CCDC3: variants seen among roughly 807,000 people sequenced by gnomAD.
The protein encoded by CCDC3 is coiled-coil domain containing 3.
In CCDC3, 24 loss-of-function variants were observed where a neutral mutation model predicts 21.4. The observed-to-expected ratio is 1.12, with a 90% CI of 0.81 to 1.58. The LOEUF (loss-of-function observed/expected upper bound fraction) is 1.58. Ranked by LOEUF, CCDC3 falls within the 40% of genes most tolerant of loss-of-function variation. CCDC3 has a pLI of 0.00. For missense variants in CCDC3, 425 were observed against 360.9 expected, an observed-to-expected ratio of 1.18 and a Z score of -1.44; for synonymous variants, 186 against 166.0, an observed-to-expected ratio of 1.12 and a Z score of -0.93.
At chr10:13,040,554 G>A (rs1377148629) in intron 5 of CCDC3, among the ~76,000 whole-genome samples, 1 of 152,152 alleles carries the variant, frequency 6.6e-6, no homozygotes, top group African/African-American at 2.4e-5. Flanking sequence ...GCTGGGCATG[G>A]TGGTGCACGC....
At chr10:12,973,887 A>C (rs1358876508) in intron 2 of CCDC3, among the ~76,000 whole-genome samples, 1 of 151,452 alleles carries the variant, frequency 6.6e-6, no homozygotes, top group African/African-American at 2.4e-5. Context: ...TTGAGAAGGC[A>C]TTAGGAGACC....
At chr10:13,011,257 T>C (rs530881030) in intron 5 of CCDC3, among the ~76,000 whole-genome samples, 15 of 152,074 alleles carry the variant, frequency 9.9e-5, no homozygotes, top group Non-Finnish European at 1.6e-4. Context: ...ATCCCTGTTT[T>C]CAGAAGACAT....
intron 2 of CCDC3, among the ~76,000 whole-genome samples, chr10:12,953,143 A>C (rs912501064): frequency 2.6e-5 from 4 of 152,222 alleles, no homozygotes; most frequent in Non-Finnish European, 5.9e-5. Context: ...AGGCCTCACA[A>C]TCATGGTAGA....
intron 2 of CCDC3, among the ~76,000 whole-genome samples, chr10:12,901,322 G>T (rs1834088648): frequency 6.6e-6 from 1 of 152,062 alleles, no homozygotes; most frequent in South Asian, 2.1e-4. Context: ...AGGCTGGAGT[G>T]CAGTGGCGTG....
rs144844251 is a variant in CCDC3 at position 12,989,200 on chromosome 10, T to C, written c.549+9138A>G. ...GCTCCTGAAATCATTCCAAGCTCAA[T>C]GTTCACTCAAGGTCTCCTGAAATTC... On this transcript the variant is annotated intron_variant, in intron 2 of 2. Coordinates refer to ENST00000378825, the MANE Select transcript of CCDC3 (RefSeq NM_031455.4). Among the ~76,000 whole-genome samples, 108 of 152,266 alleles carry C rather than the reference T, an allele frequency of 7.1e-4. 1 individual carries two copies. The highest frequency in any genetic ancestry group is 1.2e-3 in the Admixed American group (19 of 15,302).
rs141006587 is a variant in CCDC3, at chr10:13,082,616, C to T, written c.-502-8516G>A. Among the ~76,000 whole-genome samples the T allele has an allele frequency of 1.6e-4, 25 of 152,232 alleles. 1 individual carries two copies. The East Asian group carries it at 4.5e-3, about 27-fold the overall frequency. ...CTCCCTTTCCCGGTTTGCTAAGTAA[C>T]GGGTGCCTTCCCTAGGCACTGACAT... On this transcript the variant is annotated intron_variant, in intron 3 of 6. Transcript: ENST00000378839.
intron 2 of CCDC3, among the ~76,000 whole-genome samples, chr10:12,927,099 C>G (rs901414702): frequency 6.6e-6 from 1 of 152,140 alleles, no homozygotes; most frequent in Non-Finnish European, 1.5e-5. Flanking sequence ...TGTTTTCCAT[C>G]TCCCCTGCCA....
At chr10:13,027,848 G>A (rs1246672055) in intron 5 of CCDC3, among the ~76,000 whole-genome samples, 3 of 152,076 alleles carry the variant, frequency 2.0e-5, no homozygotes, top group Non-Finnish European at 4.4e-5. Flanking sequence ...ATAGTTGAGA[G>A]AGGTTATATT....
At chr10:13,099,330 T>C (rs1344581963) in intron 1 of CCDC3, 1 of 151,912 alleles carries the variant, frequency 6.6e-6, no homozygotes, top group African/African-American at 2.4e-5. Flanking sequence ...TTAGGTTTTG[T>C]TGTTGTTGTT....
chr10:12,898,708 G>C, intron 2 of CCDC3, 29 bp from the exon 3 acceptor site: 1 of 1,610,338 alleles, frequency 6.2e-7, no homozygotes, highest in Non-Finnish European at 8.5e-7. Flanking sequence ...TGCAAGGAGA[G>C]GAGGTGAGTC....
chr10:13,091,976 G>A (rs1351293903), intron 3 of CCDC3, among the ~76,000 whole-genome samples: 1 of 152,180 alleles, frequency 6.6e-6, no homozygotes, highest in Non-Finnish European at 1.5e-5. Flanking sequence ...TGTCAATGTT[G>A]TGTCATACAG....
chr10:12,916,428 A>T (rs1483189232), intron 2 of CCDC3, among the ~76,000 whole-genome samples: 1 of 80,884 alleles, frequency 1.2e-5, no homozygotes, highest in Non-Finnish European at 2.8e-5. Flanking sequence ...CTCCATCTCA[A>T]AAAAAAAAAA....
At chr10:12,980,234 C>T (rs2131270897) in intron 2 of CCDC3, among the ~76,000 whole-genome samples, 1 of 152,304 alleles carries the variant, frequency 6.6e-6, no homozygotes, top group South Asian at 2.1e-4. Flanking sequence ...CTGGGGGAAG[C>T]ATGGCTCTGC....
At chr10:12,995,385 G>A (rs902655464) in intron 2 of CCDC3, among the ~76,000 whole-genome samples, 1 of 152,042 alleles carries the variant, frequency 6.6e-6, no homozygotes, top group Non-Finnish European at 1.5e-5. Flanking sequence ...GGGATTACAG[G>A]CGCGTACCAC....
At chr10:12,945,863 G>A (rs1482089217) in intron 2 of CCDC3, among the ~76,000 whole-genome samples, 1 of 152,188 alleles carries the variant, frequency 6.6e-6, no homozygotes, top group African/African-American at 2.4e-5. Context: ...TTGGCTGAAT[G>A]GGGTGCAGTG....
At chr10:13,077,614 C>A (rs1194309610) in intron 3 of CCDC3, among the ~76,000 whole-genome samples, 3 of 151,934 alleles carry the variant, frequency 2.0e-5, no homozygotes, top group Non-Finnish European at 2.9e-5. Context: ...AACTATACTA[C>A]AAGGCTACAG....
At chr10:12,937,473 T>G (rs1323028154) in intron 2 of CCDC3, among the ~76,000 whole-genome samples, 1 of 152,118 alleles carries the variant, frequency 6.6e-6, no homozygotes, top group Non-Finnish European at 1.5e-5. Flanking sequence ...GTTTTTTGCT[T>G]TTTTCTAAGA....
chr10:12,922,517 TAAG>T (rs957259810), intron 2 of CCDC3, among the ~76,000 whole-genome samples: 8 of 152,184 alleles, frequency 5.3e-5, no homozygotes, highest in African/African-American at 1.9e-4. Context: ...TGTGACAATT[TAAG>T]AAGAGGCTTG....
chr10:13,047,803 T>C lies in CCDC3; in HGVS notation c.-2+1871A>G, dbSNP rs1487035541. Among the ~76,000 whole-genome samples, 3 of 152,172 alleles carry C rather than the reference T, an allele frequency of 2.0e-5. No individual in the cohort carries two copies. In the East Asian group the frequency reaches 5.8e-4, roughly 29 times the overall value. ...GTTTTCTTGTGTGAACCAAAAAGCA[T>C]CTGAGACAGGTCTCAATCAACTTAG... On this transcript the variant is annotated intron_variant, in intron 5 of 6. Coordinates refer to the CCDC3 transcript ENST00000378839.
Sources: gnomAD v4.1 joint callset for allele counts (sites outside exome capture counted in the v4.1 genomes callset) on GRCh38, gnomAD v4.1.1 for gene constraint, MANE v1.5 for transcripts, NCBI Gene and HGNC (gene_info 2026-07-23, HGNC 2026-07-21) for gene names.